Variants in PHLDB2 observed in about 807,000 individuals in gnomAD.
PHLDB2 encodes the protein pleckstrin homology like domain family B member 2, also known as pleckstrin homology-like domain family B member 2.
In PHLDB2, 71 loss-of-function variants were observed where a neutral mutation model predicts 123.6. The ratio of observed to expected loss-of-function variants is 0.57; its 90% CI spans 0.47 to 0.70. The LOEUF (loss-of-function observed/expected upper bound fraction) is 0.70. PHLDB2 is among the 30% of genes least tolerant of loss of function. The pLI is 0.00. For missense variants in PHLDB2, 1,446 were observed against 1,519.5 expected, an observed-to-expected ratio of 0.95 and a Z score of 0.80; for synonymous variants, 547 against 541.6, an observed-to-expected ratio of 1.01 and a Z score of -0.14.
chr3:111,813,320 A>T (rs2061928224), intron 1 of PHLDB2, among the ~76,000 whole-genome samples: 1 of 152,190 alleles, frequency 6.6e-6, no homozygotes, highest in Non-Finnish European at 1.5e-5. Context: ...AAATAAATCC[A>T]TGTACAATAT....
rs2060406415 is a variant in PHLDB2, at chr3:111,780,399, A to AAGAAGAAGAAGAAG, written c.-49+47696_-49+47697insAGAAGAAGAAGAAG. ...AAGAAGAAGAAGAAGAAGAAGAAGAAGAAGAAGAAGAAAAAGATTAGTTCG... is the reference window on the plus strand; with the variant it reads ...AAGAAGAAGAAGAAGAAGAAGAAGAAAGAAGAAGAAGAAGGAAGAAGAAGAAAAAGATTAGTTCG... On this transcript the variant is annotated intron_variant, in intron 1 of 17. Coordinates refer to the PHLDB2 transcript ENST00000393923. Among the ~76,000 whole-genome samples the AAGAAGAAGAAGAAG allele has an allele frequency of 3.4e-4, 25 of 74,450 alleles. 7 individuals carry two copies. The highest frequency in any genetic ancestry group is 5.8e-4 in the Non-Finnish European group (20 of 34,316). The allele number at this position is 74,450 out of a possible 152,430, so 48.8% of individuals were successfully genotyped here. A position where few individuals can be genotyped will look rare whatever the true frequency, so the allele number is the denominator to read the frequency against.
chr3:111,966,749 A>T (rs1262487781), intron 14 of PHLDB2, 46 bp downstream of exon 14: 1 of 1,510,422 alleles, frequency 6.6e-7, no homozygotes, highest in Non-Finnish European at 9.2e-7. Context: ...ACCGTGGTGC[A>T]GGAGCCCTGC....
At chr3:111,908,165 G>A (rs2067665514) in intron 2 of PHLDB2, among the ~76,000 whole-genome samples, 1 of 152,154 alleles carries the variant, frequency 6.6e-6, no homozygotes, top group African/African-American at 2.4e-5. Flanking sequence ...ATTATCACAT[G>A]TGGCCCACTC....
chr3:111,813,009 C>T (rs1185983385), intron 1 of PHLDB2, among the ~76,000 whole-genome samples: 3 of 152,190 alleles, frequency 2.0e-5, no homozygotes, highest in Non-Finnish European at 4.4e-5. Context: ...AGACTAGAAG[C>T]TCCGCTAAAG....
At chr3:111,818,875 T>C (rs2062225313) in intron 1 of PHLDB2, among the ~76,000 whole-genome samples, 1 of 152,126 alleles carries the variant, frequency 6.6e-6, no homozygotes, top group South Asian at 2.1e-4. Context: ...ATGAGTTTTG[T>C]TACTTTTCCC....
intron 1 of PHLDB2, among the ~76,000 whole-genome samples, chr3:111,794,565 G>A (rs2061071405): frequency 1.3e-5 from 2 of 152,168 alleles, no homozygotes; most frequent in Non-Finnish European, 2.9e-5. Context: ...GTGCTATTTG[G>A]CCATCTTGCT....
intron 1 of PHLDB2, among the ~76,000 whole-genome samples, chr3:111,808,278 G>A (rs1356456481): frequency 6.6e-6 from 1 of 152,016 alleles, no homozygotes; most frequent in Non-Finnish European, 1.5e-5. Context: ...ACAGAGACTA[G>A]CTGTACCCAC....
intron 1 of PHLDB2, among the ~76,000 whole-genome samples, chr3:111,838,220 CA>C (rs1170510174): frequency 4.6e-5 from 7 of 152,110 alleles, no homozygotes; most frequent in African/African-American, 1.7e-4. Flanking sequence ...AGGCTTGTCG[CA>C]AACTCCTGGG....
Position 111,834,239 on chromosome 3 carries a change from A to AATATAT in PHLDB2, c.-48-11579_-48-11578insTATATA, listed in dbSNP as rs2063277763. 5.9e-5 allele frequency among the ~76,000 whole-genome samples: 5 copies of AATATAT among 84,940 alleles called. 1 individual carries two copies. The highest frequency in any genetic ancestry group is 1.9e-4 in the African/African-American group (5 of 26,068). 55.7% of individuals were successfully genotyped at this position (84,940 alleles called of 152,430 possible). On this transcript the variant is annotated intron_variant, in intron 1 of 17. Transcript: ENST00000393923. ...AGAATTATATATATATTATGTATATAATAGAATTATATATATAATTCTATT... is the reference window on the plus strand; with the variant it reads ...AGAATTATATATATATTATGTATATAATATATATAGAATTATATATATAATTCTATT...
At chr3:111,797,775 A>C (rs1188485699) in intron 1 of PHLDB2, among the ~76,000 whole-genome samples, 6 of 152,202 alleles carry the variant, frequency 3.9e-5, no homozygotes, top group Non-Finnish European at 8.8e-5. Context: ...AGAAAACAGA[A>C]CAACCAAGCC....
At chr3:111,911,567 G>A in intron 2 of PHLDB2, 3 of 1,507,568 alleles carry the variant, frequency 2.0e-6, no homozygotes, top group Non-Finnish European at 1.8e-6. Flanking sequence ...TTGGCAGCTG[G>A]TGGAAACTGA....
chr3:111,895,248 A>C (rs73852727), intron 2 of PHLDB2, among the ~76,000 whole-genome samples: 1 of 152,192 alleles, frequency 6.6e-6, no homozygotes, highest in Non-Finnish European at 1.5e-5. Flanking sequence ...CTGTTCTTAT[A>C]GTAGCAGTAC....
chr3:111,815,004 G>A (rs1216299358), intron 1 of PHLDB2, among the ~76,000 whole-genome samples: 2 of 152,186 alleles, frequency 1.3e-5, no homozygotes, highest in African/African-American at 4.8e-5. Context: ...TCTTGTGATA[G>A]TGAATGAGTC....
rs1162185756 is a variant in PHLDB2, at chr3:111,884,233, T to C, written c.156T>C (p.Asn52=). Reference sequence around the variant, plus strand: ...CTTCCAGTCTGAGATTTAAAGCCAATGGAGACTATTCTGGCTCCTATTTAA... The same window carrying C: ...CTTCCAGTCTGAGATTTAAAGCCAACGGAGACTATTCTGGCTCCTATTTAA... ...KYSSSLRFKA[N]GDYSGSYLTL... The change falls in exon 2 of 18, where the codon AAT becomes AAC. Residue 52 remains asparagine, a synonymous_variant. Transcript: ENST00000431670. The C allele has an allele frequency of 6.2e-7, 1 of 1,614,148 alleles. No individual in the cohort carries two copies. The highest frequency in any genetic ancestry group is 2.2e-5 in the East Asian group (1 of 44,882).
At chr3:111,896,058 T>C (rs916420115) in intron 2 of PHLDB2, among the ~76,000 whole-genome samples, 1 of 152,164 alleles carries the variant, frequency 6.6e-6, no homozygotes. Flanking sequence ...TACAGTGGCA[T>C]GATCTCGGCT....
intron 1 of PHLDB2, among the ~76,000 whole-genome samples, chr3:111,797,413 T>A (rs2061206261): frequency 6.6e-6 from 1 of 152,220 alleles, no homozygotes; most frequent in Non-Finnish European, 1.5e-5. Context: ...CTCACTTTCC[T>A]AATTCTTATC....
rs1378992257 is a variant in PHLDB2, at chr3:111,918,592, G to A, written c.1720-480G>A. On this transcript the variant is annotated intron_variant, in intron 3 of 17. Coordinates refer to ENST00000431670, the MANE Select transcript of PHLDB2 (RefSeq NM_001134438.2). ...CCCTAGCAGCAAGACCCAACAGTAT[G>A]CCTAGAGATTCAAGAGGCTTTTGCA... is the stretch of plus-strand genomic sequence containing the variant. Among the ~76,000 whole-genome samples the A allele has an allele frequency of 3.9e-5, 6 of 152,282 alleles. No homozygotes were observed. The East Asian group carries it at 1.2e-3, about 29-fold the overall frequency.
intron 1 of PHLDB2, among the ~76,000 whole-genome samples, chr3:111,796,173 C>T (rs555134490): frequency 3.3e-5 from 5 of 152,282 alleles, no homozygotes; most frequent in Admixed American, 3.3e-4. Flanking sequence ...GCTGGGATTA[C>T]AGGCATGAGC....
chr3:111,831,023 AAG>A lies in PHLDB2; in HGVS notation c.-48-14796_-48-14795del, dbSNP rs1429989701. 5.7e-5 allele frequency among the ~76,000 whole-genome samples: 6 copies of A among 105,934 alleles called. 1 individual carries two copies. The highest frequency in any genetic ancestry group is 5.4e-4 in the Admixed American group (6 of 11,070). The allele number at this position is 105,934 out of a possible 152,430, so 69.5% of individuals were successfully genotyped here. A position where few individuals can be genotyped will look rare whatever the true frequency, so the allele number is the denominator to read the frequency against. Reference sequence around the variant, plus strand: ...AAAGAAAGAAAGAAAGAAAGAAAGAAAGAAAGAAAGGAAGGAAGGAAGAAAGA... The same window carrying A: ...AAAGAAAGAAAGAAAGAAAGAAAGAAAAAGAAAGGAAGGAAGGAAGAAAGA... On this transcript the variant is annotated intron_variant, in intron 1 of 17. Coordinates refer to the PHLDB2 transcript ENST00000393923.
Sources: allele counts gnomAD v4.1 joint callset (sites outside exome capture counted in the v4.1 genomes callset), GRCh38; gene constraint gnomAD v4.1.1; transcripts MANE v1.5; gene names NCBI Gene and HGNC (gene_info 2026-07-23, HGNC 2026-07-21).